Variants in TNFRSF10D observed in about 807,000 individuals in gnomAD.
TNFRSF10D encodes TNF receptor superfamily member 10d.
Under a neutral mutation model 42.1 loss-of-function variants are expected in TNFRSF10D, and 28 were observed. The ratio of observed to expected loss-of-function variants is 0.66; its 90% CI spans 0.49 to 0.91. The LOEUF (loss-of-function observed/expected upper bound fraction) is 0.91. Among genes scored for constraint, TNFRSF10D ranks in the 40% least tolerant of loss-of-function variants. The pLI, the probability that TNFRSF10D is intolerant of heterozygous loss-of-function variation, is 0.00. For missense variants in TNFRSF10D, 503 were observed against 486.1 expected (o/e 1.03, Z -0.33); for synonymous variants, 186 against 189.4 (o/e 0.98, Z 0.15).
At chr8:23,150,104 C>T (rs116153935) in intron 2 of TNFRSF10D, among the ~76,000 whole-genome samples, 1,625 of 152,244 alleles carry the variant, frequency 0.011, 21 homozygotes, top group African/African-American at 0.037. Context: ...CTTGTGCCTT[C>T]GGGCTAGCAC....
chr8:23,155,726 A>G (rs1334263542), intron 1 of TNFRSF10D, among the ~76,000 whole-genome samples: 1 of 151,844 alleles, frequency 6.6e-6, no homozygotes, highest in Non-Finnish European at 1.5e-5. Flanking sequence ...AACAAAAAAC[A>G]AAAAAACCAC....
In TNFRSF10D at chr8:23,136,555, TGCCCTGA is replaced by T. The variant is rs1563352178; in HGVS notation, c.*1308_*1314del. 1 of 157,320 alleles carries T rather than the reference TGCCCTGA, an allele frequency of 6.4e-6. No individual in the cohort carries two copies. Among genetic ancestry groups the T allele is most frequent in the Admixed American group, 6.5e-5 (1 of 15,440 alleles). The allele number at this position is 157,320 out of a possible 1,614,324, so 9.7% of individuals were successfully genotyped here. A position where few individuals can be genotyped will look rare whatever the true frequency, so the allele number is the denominator to read the frequency against. On this transcript the variant is annotated 3_prime_UTR_variant, in exon 9 of 9. Transcript: ENST00000312584. ...TGCCGGGGCAGATAAACACCTGCTCTGCCCTGAGCCCAAATGAGGCTCAAGATTCACT... is the reference window on the plus strand; with the variant it reads ...TGCCGGGGCAGATAAACACCTGCTCTGCCCAAATGAGGCTCAAGATTCACT...
chr8:23,158,314 T>C (rs1288063169), intron 1 of TNFRSF10D, among the ~76,000 whole-genome samples: 1 of 152,136 alleles, frequency 6.6e-6, no homozygotes, highest in Non-Finnish European at 1.5e-5. Flanking sequence ...CAACGTAGGG[T>C]AACTCGGATC....
chr8:23,163,799 G>A lies in TNFRSF10D; in HGVS notation c.137C>T (p.Ala46Val), dbSNP rs771096648. Residue 46 changes from alanine (A) to valine (V), a missense_variant, in exon 1 of 9, where the codon GCG becomes GTG. Physicochemically the swap from Ala to Val is moderately conservative, Grantham distance 64. Transcript: ENST00000312584. ...KILKFVVFIV[A>V]VLLPVRVDSA... ...GCGGAGACTCACCGGCAGCAGAACC[G>A]CGACGATGAAGACGACGAACTTAAG... 3 of 1,609,536 alleles carry A rather than the reference G, an allele frequency of 1.9e-6. 1 individual carries two copies. In the South Asian group the frequency reaches 3.3e-5, roughly 18 times the overall value.
intron 1 of TNFRSF10D, among the ~76,000 whole-genome samples, chr8:23,158,768 C>T (rs369683068): frequency 6.2e-3 from 945 of 152,148 alleles, no homozygotes; most frequent in African/African-American, 0.019. Context: ...CACTCAAGTG[C>T]TTATATTCTA....
At position 23,137,762 on chromosome 8, in the gene TNFRSF10D, A is replaced by T; in HGVS notation, c.*108T>A. On this transcript the variant is annotated 3_prime_UTR_variant, in exon 9 of 9. Coordinates refer to ENST00000312584, the MANE Select transcript of TNFRSF10D (RefSeq NM_003840.5). Reference sequence around the variant, plus strand: ...GGTAAGCTGCCCCATATTGGATAGTAGAGTTTGTTGGGGCATGGGTCAAGT... The same window carrying T: ...GGTAAGCTGCCCCATATTGGATAGTTGAGTTTGTTGGGGCATGGGTCAAGT... 1 of 1,416,716 alleles carries T rather than the reference A, an allele frequency of 7.1e-7. No individual in the cohort carries two copies. Among genetic ancestry groups the T allele is most frequent in the Non-Finnish European group, 9.5e-7 (1 of 1,048,372 alleles). The allele number at this position is 1,416,716 out of a possible 1,614,324, so 87.8% of individuals were successfully genotyped here. A position where few individuals can be genotyped will look rare whatever the true frequency, so the allele number is the denominator to read the frequency against.
At chr8:23,139,931 G>A (rs566356755) in intron 7 of TNFRSF10D, among the ~76,000 whole-genome samples, 1 of 152,128 alleles carries the variant, frequency 6.6e-6, no homozygotes, top group Non-Finnish European at 1.5e-5. Flanking sequence ...GGATCACGAT[G>A]TCAAGAGTTC....
intron 2 of TNFRSF10D, among the ~76,000 whole-genome samples, chr8:23,150,656 G>A (rs1303963318): frequency 6.6e-6 from 1 of 152,224 alleles, no homozygotes; most frequent in African/African-American, 2.4e-5. Context: ...ACTAAGTCAT[G>A]TCAGGAAAAC....
Position 23,147,199 on chromosome 8 carries a change from G to A in TNFRSF10D, c.371-127C>T. 10 of 727,340 alleles carry A rather than the reference G, an allele frequency of 1.4e-5. No homozygotes were observed. In the South Asian group the frequency reaches 1.6e-4, roughly 12 times the overall value. The allele number at this position is 727,340 out of a possible 1,614,324, so 45.1% of individuals were successfully genotyped here. A position where few individuals can be genotyped will look rare whatever the true frequency, so the allele number is the denominator to read the frequency against. ...CAAGGAGTTCTGAGGGCTGGTTTCTGCACCAGCACACTCGGGACTCATACA... is the reference window on the plus strand; with the variant it reads ...CAAGGAGTTCTGAGGGCTGGTTTCTACACCAGCACACTCGGGACTCATACA... On this transcript the variant is annotated intron_variant, in intron 3 of 8. Transcript: ENST00000312584.
At chr8:23,156,626 G>A (rs969559024) in intron 1 of TNFRSF10D, among the ~76,000 whole-genome samples, 1 of 150,792 alleles carries the variant, frequency 6.6e-6, no homozygotes, top group Non-Finnish European at 1.5e-5. Context: ...GTGCAGTGGT[G>A]TAATCTCTGC....
At chr8:23,153,330 A>T (rs1800232879) in intron 2 of TNFRSF10D, among the ~76,000 whole-genome samples, 1 of 152,178 alleles carries the variant, frequency 6.6e-6, no homozygotes, top group Admixed American at 6.5e-5. Flanking sequence ...CTTGGCTATG[A>T]CCCCAAAAGC....
rs1264478033 is a variant in TNFRSF10D at position 23,144,652 on chromosome 8, G to A, written c.769-17C>T. 2.5e-6 allele frequency: 4 copies of A among 1,608,780 alleles called. No homozygotes were observed. Among genetic ancestry groups the A allele is most frequent in the Non-Finnish European group, 3.4e-6 (4 of 1,176,794 alleles). On this transcript the variant is annotated splice_polypyrimidine_tract_variant and intron_variant, in intron 6 of 8. Transcript: ENST00000312584. ...GAAAAGGACCTTGGGAAGACAAAGA[G>A]CCCACTCAAGTCCACACCCCGGGCT...
Position 23,135,905 on chromosome 8 carries a change from T to C in TNFRSF10D, c.*1965A>G, listed in dbSNP as rs367788543. On this transcript the variant is annotated 3_prime_UTR_variant, in exon 9 of 9. Transcript: ENST00000312584. ...CAGAAGGCCCAGCAAAGGCAAAGAC[T>C]AGGAGGCAGCAGCACCCTGTGTCAT... is the stretch of plus-strand genomic sequence containing the variant. 3.7e-3 allele frequency: 1,687 copies of C among 451,380 alleles called. No individual in the cohort carries two copies. The highest frequency in any genetic ancestry group is 0.019 in the African/African-American group (933 of 49,882). The allele number at this position is 451,380 out of a possible 1,614,324, so 28.0% of individuals were successfully genotyped here.
chr8:23,140,899 T>G (rs1198343311), intron 7 of TNFRSF10D, among the ~76,000 whole-genome samples: 3 of 152,188 alleles, frequency 2.0e-5, no homozygotes, highest in Non-Finnish European at 4.4e-5. Context: ...TATTTCTTCA[T>G]AGCAGTATGA....
intron 1 of TNFRSF10D, among the ~76,000 whole-genome samples, chr8:23,157,877 C>T (rs1238556208): frequency 6.6e-6 from 1 of 152,140 alleles, no homozygotes; most frequent in Admixed American, 6.6e-5. Flanking sequence ...TGTTGGGCGA[C>T]CATCAGGTGG....
Position 23,137,368 on chromosome 8 carries a change from A to G in TNFRSF10D, c.*502T>C, listed in dbSNP as rs1450949423. The G allele has an allele frequency of 2.0e-5, 3 of 152,880 alleles. No individual in the cohort carries two copies. Among genetic ancestry groups the G allele is most frequent in the Non-Finnish European group, 4.4e-5 (3 of 68,486 alleles). The allele number at this position is 152,880 out of a possible 1,614,324, so 9.5% of individuals were successfully genotyped here. A position where few individuals can be genotyped will look rare whatever the true frequency, so the allele number is the denominator to read the frequency against. ...TGTGCGGCATCTGTAGTTAGATGTC[A>G]TTAAATGCACACACCAGTAGAGATG... On this transcript the variant is annotated 3_prime_UTR_variant, in exon 9 of 9. Coordinates refer to ENST00000312584, the MANE Select transcript of TNFRSF10D (RefSeq NM_003840.5).
At chr8:23,145,990 C>A in intron 4 of TNFRSF10D, 69 bp from the exon 5 acceptor site, 3 of 1,606,704 alleles carry the variant, frequency 1.9e-6, no homozygotes, top group Non-Finnish European at 2.5e-6. Context: ...GAAAGAGGAG[C>A]CACCCTCCCT....
intron 1 of TNFRSF10D, 68 bp from the exon 2 acceptor site, chr8:23,155,047 C>A (rs991568064): frequency 8.0e-7 from 1 of 1,242,654 alleles, no homozygotes; most frequent in Non-Finnish European, 1.1e-6. Flanking sequence ...CTCCGTCTCA[C>A]ATTCCCTTCA....
At chr8:23,160,773 G>C (rs371768910) in intron 1 of TNFRSF10D, among the ~76,000 whole-genome samples, 6 of 152,330 alleles carry the variant, frequency 3.9e-5, no homozygotes, top group African/African-American at 1.2e-4. Context: ...CCTCTCAGTA[G>C]GGGCTGGGTG....
Sources: gnomAD v4.1 joint callset for allele counts (sites outside exome capture counted in the v4.1 genomes callset) on GRCh38, gnomAD v4.1.1 for gene constraint, MANE v1.5 for transcripts, NCBI Gene and HGNC (gene_info 2026-07-23, HGNC 2026-07-21) for gene names.